SULT1A1: variants seen among roughly 807,000 people sequenced by gnomAD.
The protein encoded by SULT1A1 is sulfotransferase 1A1.
SULT1A1 carries 35 observed loss-of-function variants against 36.8 expected under a neutral mutation model. The ratio of observed to expected loss-of-function variants is 0.95; its 90% confidence interval spans 0.73 to 1.26. The LOEUF (loss-of-function observed/expected upper bound fraction) is 1.26. Among genes scored for constraint, SULT1A1 ranks in the 50% most tolerant of loss-of-function variants. SULT1A1 has a pLI of 0.00. For synonymous variants in SULT1A1, 119 were observed against 146.0 expected (o/e 0.82, Z 1.33); for missense variants, 309 against 383.0 (o/e 0.81, Z 1.61).
chr16:28,608,210 C>T (rs112862909), intron 4 of SULT1A1, 81 bp downstream of exon 4: 1 of 1,573,208 alleles, frequency 6.4e-7, no homozygotes, highest in Non-Finnish European at 8.7e-7. Context: ...TGCTCTCAAA[C>T]TCCCAACCTC....
chr16:28,608,448 T>TC (rs755547538), intron 3 of SULT1A1, 30 bp downstream of exon 3: 26 of 1,612,154 alleles, frequency 1.6e-5, no homozygotes, highest in Middle Eastern at 3.3e-4. Context: ...CTTCCTCCAC[T>TC]CCCCTTGCAC....
chr16:28,619,185 G>A (rs763649318), intron 2 of SULT1A1, among the ~76,000 whole-genome samples: 1 of 151,846 alleles, frequency 6.6e-6, no homozygotes, highest in African/African-American at 2.4e-5. Flanking sequence ...GCTAATTTTT[G>A]TATTTTTAGT....
chr16:28,614,877 G>A (rs1304141363), upstream of SULT1A1: 5 of 122,668 alleles, frequency 4.1e-5, no homozygotes, highest in African/African-American at 1.4e-4. Flanking sequence ...GACTCCCGTG[G>A]AACTCTTTGA....
At chr16:28,610,264 G>GGT (rs2047398505), upstream of SULT1A1, 17 of 349,470 alleles carry the variant, frequency 4.9e-5, 2 homozygotes, top group East Asian at 6.0e-4. Flanking sequence ...TTTTTTTTCT[G>GGT]TTTTTTTTTT....
At chr16:28,622,429 G>C (rs1007043616) in intron 1 of SULT1A1, among the ~76,000 whole-genome samples, 2 of 152,048 alleles carry the variant, frequency 1.3e-5, no homozygotes, top group Non-Finnish European at 2.9e-5. Flanking sequence ...ATTTTCTAAG[G>C]AGAGGGTTCC....
chr16:28,608,908 A>C (rs1194871115), intron 1 of SULT1A1, 49 bp from the exon 2 acceptor site: 7 of 1,611,056 alleles, frequency 4.3e-6, no homozygotes, highest in Non-Finnish European at 5.9e-6. Flanking sequence ...CCATCACAAC[A>C]GCAAGAAAGT....
At position 28,609,870 on chromosome 16, in the gene SULT1A1, T is replaced by C. The variant is rs967308612; in HGVS notation, c.-5+61A>G. ...ATGCCAGAGGCCTCAGCTTCTGGAA[T>C]GTTAGAGCCACAAGCTGAGCAGGGT... On this transcript the variant is annotated intron_variant, in intron 1 of 7. Transcript: ENST00000314752. The C allele has an allele frequency of 2.1e-5, 26 of 1,233,370 alleles. No homozygotes were observed. In the African/African-American group the frequency reaches 3.7e-4, roughly 18 times the overall value. 76.4% of individuals were successfully genotyped at this position (1,233,370 alleles called of 1,614,324 possible).
In SULT1A1 at chr16:28,608,532, G is replaced by A. The variant is rs1159192384; in HGVS notation, c.220C>T (p.Pro74Ser). Residue 74 changes from proline (P) to serine (S), a missense_variant, in exon 3 of 8, where the codon CCC becomes TCC. Pro to Ser is a moderately conservative substitution (Grantham distance 74, BLOSUM62 -1). Coordinates refer to ENST00000314752, the MANE Select transcript of SULT1A1 (RefSeq NM_001055.4). ...GGDLEKCHRAPIFMRVPFLEF... is the reference protein window; with the variant it reads ...GGDLEKCHRASIFMRVPFLEF... The stretch of plus-strand genomic sequence containing the variant: ...AGGAAGGGCACCCGCATGAAGATGG[G>A]AGCTCGGTGACACTTCTCCAGGTCA... 3 of 1,612,502 alleles carry A rather than the reference G, an allele frequency of 1.9e-6. No individual in the cohort carries two copies. Among genetic ancestry groups the A allele is most frequent in the Non-Finnish European group, 2.5e-6 (3 of 1,178,700 alleles).
intron 2 of SULT1A1, chr16:28,620,016 TACAC>T (rs769751976): frequency 6.5e-5 from 99 of 1,518,188 alleles, no homozygotes; most frequent in Non-Finnish European, 8.9e-5. Context: ...TGTGTGTATA[TACAC>T]ACACAAAAAG....
chr16:28,609,732 T>TTG, intron 1 of SULT1A1, 199 bp downstream of exon 1: 1 of 583,552 alleles, frequency 1.7e-6, no homozygotes, highest in South Asian at 1.9e-5. Flanking sequence ...CCAGCCTGGG[T>TTG]GACAGCAAGA....
At chr16:28,615,613 G>A (rs2047523510) in intron 2 of SULT1A1, among the ~76,000 whole-genome samples, 1 of 152,048 alleles carries the variant, frequency 6.6e-6, no homozygotes, top group African/African-American at 2.4e-5. Context: ...TGACAGCACG[G>A]CCAACACAGG....
upstream of SULT1A1, chr16:28,610,350 G>C: frequency 1.6e-6 from 1 of 616,872 alleles, no homozygotes; most frequent in Non-Finnish European, 2.3e-6. Flanking sequence ...GCAGCCAACA[G>C]ACAAGCTCTC....
In SULT1A1 at chr16:28,606,107, T is replaced by C. The variant is rs749334800; in HGVS notation, c.724A>G (p.Thr242Ala). ...TGGTCCATGAACTCCTGGGGGACGG[T>C]GGTGTAGTTGGTCATAGGGTTCTTC... is the stretch of plus-strand genomic sequence containing the variant. The part of the protein sequence containing the change: ...MKKNPMTNYT[T>A]VPQEFMDHSI... Residue 242 changes from threonine to alanine, a missense_variant, in exon 7 of 8, where the codon ACC becomes GCC. Around this residue, in one of 3 missense-constraint regions of SULT1A1, gnomAD observed 67 missense variants for 122.0 expected, o/e 0.55. Transcript: ENST00000314752. 1.4e-6 allele frequency: 2 copies of C among 1,452,944 alleles called. No individual in the cohort carries two copies. Among genetic ancestry groups the C allele is most frequent in the Non-Finnish European group, 1.9e-6 (2 of 1,079,428 alleles). The allele number at this position is 1,452,944 out of a possible 1,614,324, so 90.0% of individuals were successfully genotyped here.
chr16:28,610,169 C>T (rs2047392746), upstream of SULT1A1: 1 of 1,284,778 alleles, frequency 7.8e-7, no homozygotes, highest in Admixed American at 2.3e-5. Context: ...TTAAAGTGAT[C>T]TCCAAAGCCA....
chr16:28,610,262 CTGTTTTTTTTTTT>C, upstream of SULT1A1: 1 of 239,682 alleles, frequency 4.2e-6, no homozygotes, highest in Non-Finnish European at 6.2e-6. Context: ...TTTTTTTTTT[CTGTTTTTTTTTTT>C]TTTTTTTTTT....
intron 2 of SULT1A1, among the ~76,000 whole-genome samples, chr16:28,619,765 G>GTAGAC (rs2047614106): frequency 2.1e-5 from 1 of 47,528 alleles, no homozygotes; most frequent in African/African-American, 6.6e-5. Flanking sequence ...TATATATATA[G>GTAGAC]ACACACACAC....
Position 28,623,331 on chromosome 16 carries a change from C to G in SULT1A1, c.-134G>C, listed in dbSNP as rs147482362. On this transcript the variant is annotated 5_prime_UTR_variant, in exon 1 of 6. Coordinates refer to the SULT1A1 transcript ENST00000350842. ...CCAGTCGGCCTAGCGGCCCTGCAGC[C>G]GTTGCTGCAGCACGTCCCCGGCGGA... 229 of 1,514,202 alleles carry G rather than the reference C, an allele frequency of 1.5e-4. No homozygotes were observed. In the African/African-American group the frequency reaches 2.8e-3, roughly 18 times the overall value. 93.8% of individuals were successfully genotyped at this position (1,514,202 alleles called of 1,614,324 possible). A position where few individuals can be genotyped will look rare whatever the true frequency, so the allele number is the denominator to read the frequency against.
At chr16:28,608,985 A>G (rs34278943) in intron 1 of SULT1A1, 126 bp from the exon 2 acceptor site, 16,633 of 1,472,830 alleles carry the variant, frequency 0.011, 359 homozygotes, top group Non-Finnish European at 0.013. Context: ...GCACTCACAA[A>G]GCCACTCAGT....
At chr16:28,607,316 A>T (rs929110041) in intron 4 of SULT1A1, 23 of 649,582 alleles carry the variant, frequency 3.5e-5, no homozygotes, top group Non-Finnish European at 5.6e-5. Flanking sequence ...TCACACCCCA[A>T]TCTGGAGCAA....
Sources: gnomAD v4.1 joint callset for allele counts (sites outside exome capture counted in the v4.1 genomes callset) on GRCh38, gnomAD v4.1.1 for gene constraint, gnomAD v4.1.1 regional missense constraint, MANE v1.5 for transcripts, NCBI Gene and HGNC (gene_info 2026-07-23, HGNC 2026-07-21) for gene names.